Variants in ADARB1 observed in about 807,000 individuals in gnomAD.
The protein encoded by ADARB1 is double-stranded RNA-specific editase 1.
ADARB1 carries 10 observed loss-of-function variants against 52.4 expected under a neutral mutation model. That is an observed-to-expected ratio of 0.19 (90% confidence interval 0.12 to 0.32). The LOEUF is 0.32. Ranked by LOEUF, ADARB1 falls within the 10% of genes least tolerant of loss-of-function variation. The pLI, the probability that ADARB1 is intolerant of heterozygous loss-of-function variation, is 1.00. For synonymous variants in ADARB1, 349 were observed against 371.1 expected, an observed-to-expected ratio of 0.94 and a Z score of 0.68; for missense variants, 643 against 922.3, an observed-to-expected ratio of 0.70 and a Z score of 3.92.
rs140723839 is a variant in ADARB1, at chr21:45,212,121, A to G, written c.1747+7385A>G. Among the ~76,000 whole-genome samples the G allele has an allele frequency of 2.1e-3, 313 of 152,350 alleles. 1 individual carries two copies. Among genetic ancestry groups the G allele is most frequent in the African/African-American group, 7.2e-3 (298 of 41,574 alleles). On this transcript the variant is annotated intron_variant, in intron 9 of 10. Coordinates refer to ENST00000348831, the MANE Select transcript of ADARB1 (RefSeq NM_001112.4). ...AATTCTAAGGTTTAAGTATCATTCAACAGTAATCCTTTATTTTGATGAGAA... is the reference window on the plus strand; with the variant it reads ...AATTCTAAGGTTTAAGTATCATTCAGCAGTAATCCTTTATTTTGATGAGAA...
rs768273934 is a variant in ADARB1, at chr21:45,222,214, G to A, written c.*17G>A. 1 of 1,534,704 alleles carries A rather than the reference G, an allele frequency of 6.5e-7. No individual in the cohort carries two copies. The highest frequency in any genetic ancestry group is 8.7e-7 in the Non-Finnish European group (1 of 1,145,546). On this transcript the variant is annotated 3_prime_UTR_variant, in exon 11 of 11. Coordinates refer to ENST00000348831, the MANE Select transcript of ADARB1 (RefSeq NM_001112.4). ...ACGCCCTGACCCGGGCAGACATGAT[G>A]GGGGGTGCAGGGGGCTGTGGGCATC...
chr21:45,180,807 A>G (rs2091903649), intron 5 of ADARB1, among the ~76,000 whole-genome samples: 1 of 152,240 alleles, frequency 6.6e-6, no homozygotes, highest in Non-Finnish European at 1.5e-5. Flanking sequence ...TAACGATGCC[A>G]GATAAGTTTC....
At chr21:45,206,490 T>A (rs1027353214) in intron 9 of ADARB1, among the ~76,000 whole-genome samples, 4 of 151,962 alleles carry the variant, frequency 2.6e-5, no homozygotes, top group Admixed American at 2.6e-4. Flanking sequence ...AAAGATAGTG[T>A]CTGCAAGATA....
At chr21:45,206,315 G>A (rs955694467) in intron 9 of ADARB1, among the ~76,000 whole-genome samples, 3 of 152,142 alleles carry the variant, frequency 2.0e-5, no homozygotes, top group Admixed American at 6.6e-5. Flanking sequence ...GTTGAATAGC[G>A]CTGTCTAAGC....
intron 2 of ADARB1, among the ~76,000 whole-genome samples, chr21:45,156,239 A>C: frequency 7.2e-6 from 1 of 138,344 alleles, no homozygotes; most frequent in Non-Finnish European, 1.5e-5. Context: ...ATCATCACCC[A>C]TCACCCATCA....
chr21:45,149,708 C>T (rs1479828625), intron 2 of ADARB1, among the ~76,000 whole-genome samples: 1 of 152,218 alleles, frequency 6.6e-6, no homozygotes, highest in Non-Finnish European at 1.5e-5. Flanking sequence ...GCATATATCT[C>T]CCATAACATT....
chr21:45,140,298 C>T (rs963350897), intron 2 of ADARB1, among the ~76,000 whole-genome samples: 4 of 152,176 alleles, frequency 2.6e-5, no homozygotes, highest in Non-Finnish European at 5.9e-5. Flanking sequence ...AATATTCTTA[C>T]CCCAAAAAGT....
chr21:45,075,539 C>T (rs1601205235), intron 1 of ADARB1, among the ~76,000 whole-genome samples: 1 of 152,218 alleles, frequency 6.6e-6, no homozygotes, highest in African/African-American at 2.4e-5. Flanking sequence ...CTGCGGGTGC[C>T]GGGCGTCTGC....
intron 2 of ADARB1, chr21:45,144,836 G>A: frequency 4.4e-6 from 1 of 227,596 alleles, no homozygotes; most frequent in Non-Finnish European, 9.1e-6. Context: ...CATGCCGGGA[G>A]AGTCTAAATT....
At position 45,157,347 on chromosome 21, in the gene ADARB1, C is replaced by T. The variant is rs140328684; in HGVS notation, c.-47-14263C>T. 3.4e-4 allele frequency among the ~76,000 whole-genome samples: 51 copies of T among 152,076 alleles called. No individual in the cohort carries two copies. The highest frequency in any genetic ancestry group is 1.2e-3 in the African/African-American group (50 of 41,334). The stretch of plus-strand genomic sequence containing the variant: ...TTAATATTGAAAATAAAGTTTACAT[C>T]GTTGTCTTTTTTTTCCCTTTGATTC... On this transcript the variant is annotated intron_variant, in intron 2 of 10. Coordinates refer to ENST00000348831, the MANE Select transcript of ADARB1 (RefSeq NM_001112.4). The surrounding 1 kb of genome is among the most constrained non-coding windows in gnomAD (Gnocchi z 4.1).
In ADARB1 at chr21:45,204,097, C is replaced by T. The variant is rs2092618181; in HGVS notation, c.1566-458C>T. ...GGTTCACATCCCGGGCTGGACAGCA[C>T]AAGATCGCACCACACTCCTCAGAAC... On this transcript the variant is annotated intron_variant, in intron 8 of 10. Coordinates refer to ENST00000348831, the MANE Select transcript of ADARB1 (RefSeq NM_001112.4). The surrounding 1 kb of genome is among the most constrained non-coding windows in gnomAD (Gnocchi z 4.4). Among the ~76,000 whole-genome samples the T allele has an allele frequency of 6.6e-6, 1 of 152,164 alleles. No homozygotes were observed. Among genetic ancestry groups the T allele is most frequent in the South Asian group, 2.1e-4 (1 of 4,832 alleles).
chr21:45,222,883 C>T lies in ADARB1; in HGVS notation c.*686C>T. The T allele has an allele frequency of 1.0e-6, 1 of 985,510 alleles. No homozygotes were observed. The highest frequency in any genetic ancestry group is 1.2e-6 in the Non-Finnish European group (1 of 829,976). 61.0% of individuals were successfully genotyped at this position (985,510 alleles called of 1,614,324 possible). On this transcript the variant is annotated 3_prime_UTR_variant, in exon 11 of 11. Coordinates refer to ENST00000348831, the MANE Select transcript of ADARB1 (RefSeq NM_001112.4). ...GGTCCCGCAGCAGTGACTGTGTGTCCTGCAGAGGCGTGACCCAGGCCCCTG... is the reference window on the plus strand; with the variant it reads ...GGTCCCGCAGCAGTGACTGTGTGTCTTGCAGAGGCGTGACCCAGGCCCCTG...
chr21:45,198,130 G>A (rs1385889593), intron 8 of ADARB1, among the ~76,000 whole-genome samples: 1 of 152,208 alleles, frequency 6.6e-6, no homozygotes, highest in Non-Finnish European at 1.5e-5. Context: ...ATTCAAATAA[G>A]TTAGAAGGAT....
At chr21:45,109,330 A>G (rs1010183185) in intron 1 of ADARB1, among the ~76,000 whole-genome samples, 3 of 152,066 alleles carry the variant, frequency 2.0e-5, no homozygotes, top group Non-Finnish European at 4.4e-5. Flanking sequence ...GTGTGCGTAT[A>G]TGTGTGTGCA....
chr21:45,188,270 C>A (rs2092173140), intron 8 of ADARB1, among the ~76,000 whole-genome samples: 1 of 152,088 alleles, frequency 6.6e-6, no homozygotes, highest in African/African-American at 2.4e-5. Context: ...CCATGCCCAG[C>A]TAATTTTTGT....
At chr21:45,178,050 A>G (rs1348906400) in intron 4 of ADARB1, among the ~76,000 whole-genome samples, 1 of 152,146 alleles carries the variant, frequency 6.6e-6, no homozygotes, top group Non-Finnish European at 1.5e-5. Flanking sequence ...AGTTCAAAAT[A>G]TTGTCTGATG....
chr21:45,181,724 G>C (rs555993239), intron 5 of ADARB1, among the ~76,000 whole-genome samples: 1 of 152,344 alleles, frequency 6.6e-6, no homozygotes, highest in South Asian at 2.1e-4. Flanking sequence ...CTGAAGCCAG[G>C]ACGCTGGAGC....
intron 2 of ADARB1, among the ~76,000 whole-genome samples, chr21:45,151,900 G>T (rs2090310297): frequency 6.6e-6 from 1 of 152,228 alleles, no homozygotes; most frequent in East Asian, 1.9e-4. Context: ...GTTGGCGTTT[G>T]CCCCTCCCTT....
rs377235099 is a variant in ADARB1, at chr21:45,139,450, G to A, written c.-48+10877G>A. ...TTTGGTTCCGTTTTCTCTTTCTCCT[G>A]GTTTCCTTGATTTTTTGGCTCCGTT... On this transcript the variant is annotated intron_variant, in intron 2 of 10. Transcript: ENST00000348831. Among the ~76,000 whole-genome samples the A allele has an allele frequency of 1.1e-4, 16 of 152,166 alleles. 1 individual carries two copies. In the East Asian group the frequency reaches 2.5e-3, roughly 24 times the overall value.
Sources: gnomAD v4.1 joint callset for allele counts (sites outside exome capture counted in the v4.1 genomes callset) on GRCh38, gnomAD v4.1.1 for gene constraint, Gnocchi (gnomAD v3.1) non-coding constraint, MANE v1.5 for transcripts, NCBI Gene and HGNC (gene_info 2026-07-23, HGNC 2026-07-21) for gene names.